AS3MT: variants seen among roughly 807,000 people sequenced by gnomAD.
AS3MT encodes arsenite methyltransferase.
AS3MT carries 47 observed loss-of-function variants against 45.3 expected under a neutral mutation model. The observed-to-expected ratio is 1.04, with a 90% CI of 0.82 to 1.32. AS3MT has a LOEUF of 1.32. Among genes scored for constraint, AS3MT ranks in the 40% most tolerant of loss-of-function variants. AS3MT has a pLI of 0.00. For synonymous variants in AS3MT, 141 were observed against 152.8 expected (o/e 0.92, Z 0.57); for missense variants, 396 against 451.1 (o/e 0.88, Z 1.11).
At chr10:102,879,674 CAGG>C (rs1212984672) in intron 9 of AS3MT, among the ~76,000 whole-genome samples, 1 of 147,208 alleles carries the variant, frequency 6.8e-6, no homozygotes, top group African/African-American at 2.5e-5. Context: ...GAGGCTGAGG[CAGG>C]AGAATTGCAT....
At chr10:102,877,108 C>T (rs775500186) in intron 7 of AS3MT, 73 bp downstream of exon 7, 5 of 1,397,842 alleles carry the variant, frequency 3.6e-6, no homozygotes, top group Non-Finnish European at 4.1e-6. Flanking sequence ...TGCTAATAGC[C>T]AGGATGAGGC....
At chr10:102,875,196 G>A (rs945266781) in intron 6 of AS3MT, among the ~76,000 whole-genome samples, 2 of 152,110 alleles carry the variant, frequency 1.3e-5, no homozygotes, top group South Asian at 2.1e-4. Context: ...GAAATATTCA[G>A]CCAGGTGCGG....
chr10:102,871,325 TCA>T (rs1307247608), intron 3 of AS3MT, among the ~76,000 whole-genome samples: 22 of 151,664 alleles, frequency 1.5e-4, no homozygotes, highest in Admixed American at 1.2e-3. Context: ...GGCGGGAGGA[TCA>T]CGAGGCCAGG....
Position 102,877,586 on chromosome 10 carries a change from T to C in AS3MT, c.610+551T>C, listed in dbSNP as rs561950924. Among the ~76,000 whole-genome samples, 292 of 148,406 alleles carry C rather than the reference T, an allele frequency of 2.0e-3. 1 individual carries two copies. The highest frequency in any genetic ancestry group is 6.9e-3 in the African/African-American group (280 of 40,636). On this transcript the variant is annotated intron_variant, in intron 7 of 10. Coordinates refer to ENST00000369880, the MANE Select transcript of AS3MT (RefSeq NM_020682.4). ...AAAAAAAAAAAAAAAAAGAAAAAAT[T>C]ACTAAGCTGGACACAGTGGCACACA...
chr10:102,894,750 C>T (rs922735941), intron 10 of AS3MT, among the ~76,000 whole-genome samples: 1 of 152,210 alleles, frequency 6.6e-6, no homozygotes, highest in East Asian at 1.9e-4. Context: ...CCTTGGTCTC[C>T]ACAATCTCTT....
At chr10:102,874,736 T>C in intron 6 of AS3MT, 75 bp downstream of exon 6, 1 of 1,108,602 alleles carries the variant, frequency 9.0e-7, no homozygotes, top group Non-Finnish European at 1.3e-6. Flanking sequence ...TTGTTCCCCC[T>C]TGAACTAAGA....
At chr10:102,894,224 G>A (rs947423557) in intron 10 of AS3MT, among the ~76,000 whole-genome samples, 7 of 151,846 alleles carry the variant, frequency 4.6e-5, no homozygotes, top group African/African-American at 1.7e-4. Context: ...AGGAGTTCGA[G>A]ACCAGCCTGG....
intron 10 of AS3MT, among the ~76,000 whole-genome samples, chr10:102,895,232 C>G (rs1184148039): frequency 6.6e-6 from 1 of 150,566 alleles, no homozygotes; most frequent in Non-Finnish European, 1.5e-5. Flanking sequence ...GAGTTTCACT[C>G]TATCACCCAG....
intron 10 of AS3MT, among the ~76,000 whole-genome samples, chr10:102,896,425 A>T (rs905449249): frequency 3.9e-5 from 6 of 151,992 alleles, no homozygotes; most frequent in South Asian, 2.1e-4. Context: ...AACCTAAAAT[A>T]TAAGAATCCT....
intron 7 of AS3MT, 55 bp downstream of exon 7, chr10:102,877,090 C>T: frequency 6.6e-7 from 1 of 1,504,406 alleles, no homozygotes; most frequent in South Asian, 1.1e-5. Flanking sequence ...ATGTGCAGAA[C>T]TCCTTTCTGC....
Position 102,882,206 on chromosome 10 carries a change from T to C in AS3MT, c.885+3215T>C, listed in dbSNP as rs528612814. On this transcript the variant is annotated intron_variant, in intron 9 of 10. Transcript: ENST00000369880. ...CACCCGCCTCGGCCTCCCAAAGTGC[T>C]GGGATTACAGGCGTGAGCCACCACT... is the stretch of plus-strand genomic sequence containing the variant. Among the ~76,000 whole-genome samples, 367 of 152,136 alleles carry C rather than the reference T, an allele frequency of 2.4e-3. 2 individuals are homozygous for C. The highest frequency in any genetic ancestry group is 8.2e-3 in the African/African-American group (341 of 41,532).
At chr10:102,899,260 G>A (rs1845233026) in intron 10 of AS3MT, among the ~76,000 whole-genome samples, 1 of 152,096 alleles carries the variant, frequency 6.6e-6, no homozygotes, top group African/African-American at 2.4e-5. Flanking sequence ...CAGAGTGCTG[G>A]GATTACTCCC....
chr10:102,876,375 A>G (rs1389102272), intron 6 of AS3MT, among the ~76,000 whole-genome samples: 1 of 151,038 alleles, frequency 6.6e-6, no homozygotes, highest in Non-Finnish European at 1.5e-5. Context: ...TGTACCCTCT[A>G]ACTCCTGGGC....
intron 10 of AS3MT, among the ~76,000 whole-genome samples, chr10:102,894,901 A>G (rs775386826): frequency 1.3e-5 from 2 of 152,196 alleles, no homozygotes; most frequent in Admixed American, 6.6e-5. Context: ...GTCTGAACCA[A>G]TGTACATATT....
Position 102,881,244 on chromosome 10 carries a change from C to T in AS3MT, c.885+2253C>T, listed in dbSNP as rs1033424244. On this transcript the variant is annotated intron_variant, in intron 9 of 10. Transcript: ENST00000369880. This position sits in a 1 kb window ranked among gnomAD's most constrained non-coding sequence, Gnocchi z 4.2. ...TTAAGTCACAAGACAGAAAAGAAAT[C>T]GATTCTGCTTTGGATCAAAGTTTAT... is the stretch of plus-strand genomic sequence containing the variant. Among the ~76,000 whole-genome samples the T allele has an allele frequency of 4.6e-5, 7 of 152,056 alleles. No homozygotes were observed. Among genetic ancestry groups the T allele is most frequent in the African/African-American group, 9.7e-5 (4 of 41,396 alleles).
intron 9 of AS3MT, among the ~76,000 whole-genome samples, chr10:102,879,398 G>A (rs190414806): frequency 7.5e-4 from 114 of 152,096 alleles, no homozygotes; most frequent in African/African-American, 2.6e-3. Context: ...CTCAAGTGAT[G>A]TGCCCACCTC....
chr10:102,900,661 T>C lies in AS3MT; in HGVS notation c.1089T>C (p.Asp363=). 1 of 1,614,190 alleles carries C rather than the reference T, an allele frequency of 6.2e-7. No homozygotes were observed. The highest frequency in any genetic ancestry group is 8.5e-7 in the Non-Finnish European group (1 of 1,180,010). Residue 363 remains aspartate (D), a synonymous_variant, in exon 11 of 11, where the codon GAT becomes GAC. Transcript: ENST00000369880. The part of the protein sequence containing the change: ...SDSMKSRCVP[D]AAGGCCGTKK... ...GTATGAAGTCCAGATGTGTCCCTGA[T>C]GCTGCTGGAGGCTGCTGTGGCACAA...
In AS3MT at chr10:102,869,526, GT is replaced by G; in HGVS notation, c.-66del. The G allele has an allele frequency of 5.2e-6, 7 of 1,340,142 alleles. No homozygotes were observed. Among genetic ancestry groups the G allele is most frequent in the Non-Finnish European group, 5.7e-6 (6 of 1,043,502 alleles). The allele number at this position is 1,340,142 out of a possible 1,614,324, so 83.0% of individuals were successfully genotyped here. Reference sequence around the variant, plus strand: ...GAGTCGCAGGCCGAGGAGACAGTGAGTGCGCGCCCTGAGTCGCAGGCCGAGG... The same window carrying G: ...GAGTCGCAGGCCGAGGAGACAGTGAGGCGCGCCCTGAGTCGCAGGCCGAGG... On this transcript the variant is annotated 5_prime_UTR_variant, in exon 1 of 11. Transcript: ENST00000369880.
In AS3MT at chr10:102,877,748, CT is replaced by C. The variant is rs751685577; in HGVS notation, c.611-609del. 4.2e-3 allele frequency among the ~76,000 whole-genome samples: 447 copies of C among 105,222 alleles called. 2 individuals are homozygous for C. Among genetic ancestry groups the C allele is most frequent in the African/African-American group, 0.011 (326 of 28,708 alleles). 69.0% of individuals were successfully genotyped at this position (105,222 alleles called of 152,430 possible). A position where few individuals can be genotyped will look rare whatever the true frequency, so the allele number is the denominator to read the frequency against. On this transcript the variant is annotated intron_variant, in intron 7 of 10. Transcript: ENST00000369880. Reference sequence around the variant, plus strand: ...TAATCATATAACCCAGTGATAACTTCTTTTTTTTTTTTTTTTTTTTTTGAGA... The same window carrying C: ...TAATCATATAACCCAGTGATAACTTCTTTTTTTTTTTTTTTTTTTTTGAGA...
Sources: allele counts gnomAD v4.1 joint callset (sites outside exome capture counted in the v4.1 genomes callset), GRCh38; gene constraint gnomAD v4.1.1; non-coding constraint Gnocchi (gnomAD v3.1); transcripts MANE v1.5; gene names NCBI Gene and HGNC (gene_info 2026-07-23, HGNC 2026-07-21).